The following FGF14 variants were observed in gnomAD, a reference collection of about 807,000 sequenced individuals.
FGF14 encodes the protein fibroblast growth factor homologous factor 4.
Under a neutral mutation model 25.5 loss-of-function variants are expected in FGF14, and 5 were observed. The ratio of observed to expected loss-of-function variants is 0.20; its 90% CI spans 0.10 to 0.41. The LOEUF (loss-of-function observed/expected upper bound fraction) is 0.41, where lower values mean the gene tolerates loss of function less well. Ranked by LOEUF, FGF14 falls within the 10% of genes least tolerant of loss-of-function variation. The pLI is 1.00. For synonymous variants in FGF14, 138 were observed against 118.3 expected (o/e 1.17, Z -1.08); for missense variants, 222 against 320.1 (o/e 0.69, Z 2.34).
rs2036260535 is a variant in FGF14 at position 101,737,419 on chromosome 13, G to T, written c.409-10609C>A. On this transcript the variant is annotated intron_variant, in intron 3 of 4. Coordinates refer to ENST00000376143, the MANE Select transcript of FGF14 (RefSeq NM_004115.4). ...ACAGAATTTTTGTTAGCCAGAACAA[G>T]AATAGAATTTGCTGTGCAAAAAAAT... 3.1e-5 allele frequency among the ~76,000 whole-genome samples: 3 copies of T among 96,262 alleles called. No individual in the cohort carries two copies. In the South Asian group the frequency reaches 1.4e-3, roughly 45 times the overall value. 63.2% of individuals were successfully genotyped at this position (96,262 alleles called of 152,430 possible). A position where few individuals can be genotyped will look rare whatever the true frequency, so the allele number is the denominator to read the frequency against.
chr13:102,107,017 GA>G (rs2044956495), intron 1 of FGF14, among the ~76,000 whole-genome samples: 1 of 152,176 alleles, frequency 6.6e-6, no homozygotes, highest in African/African-American at 2.4e-5. Flanking sequence ...GACTGTTTCA[GA>G]ATGTGAACAA....
At chr13:102,023,639 T>C (rs1336211695) in intron 1 of FGF14, among the ~76,000 whole-genome samples, 1 of 152,100 alleles carries the variant, frequency 6.6e-6, no homozygotes, top group Admixed American at 6.6e-5. Flanking sequence ...CTAATCTATG[T>C]TCTTTCTCTA....
intron 1 of FGF14, among the ~76,000 whole-genome samples, chr13:102,271,992 TCTC>T (rs2053269582): frequency 6.6e-6 from 1 of 152,142 alleles, no homozygotes; most frequent in Non-Finnish European, 1.5e-5. Context: ...GTGATCTGTC[TCTC>T]CTCTGCAATG....
intron 1 of FGF14, among the ~76,000 whole-genome samples, chr13:102,219,972 G>A (rs1405821720): frequency 2.0e-5 from 3 of 152,096 alleles, no homozygotes; most frequent in African/African-American, 7.2e-5. Flanking sequence ...TGTAAGTGAT[G>A]TAATAGTAAG....
At chr13:102,304,260 G>A (rs2055243966) in intron 1 of FGF14, among the ~76,000 whole-genome samples, 1 of 152,036 alleles carries the variant, frequency 6.6e-6, no homozygotes, top group South Asian at 2.1e-4. Context: ...AAAGGAAGCA[G>A]CTACCCTGAG....
chr13:101,844,928 C>A (rs570247373), intron 3 of FGF14, among the ~76,000 whole-genome samples: 1 of 151,938 alleles, frequency 6.6e-6, no homozygotes, highest in Non-Finnish European at 1.5e-5. Context: ...TTTACAGGGA[C>A]GGGTTTAAGT....
At chr13:102,393,095 T>C (rs755260711) in intron 1 of FGF14, among the ~76,000 whole-genome samples, 13 of 152,226 alleles carry the variant, frequency 8.5e-5, no homozygotes, top group Non-Finnish European at 1.8e-4. Flanking sequence ...CTTGACAGCC[T>C]AACCAGTGCC....
chr13:101,908,178 T>C (rs542119896), intron 1 of FGF14, among the ~76,000 whole-genome samples: 3 of 152,264 alleles, frequency 2.0e-5, no homozygotes, highest in Non-Finnish European at 4.4e-5. Context: ...CCTGAGGTTA[T>C]TGACTGTGAA....
intron 1 of FGF14, among the ~76,000 whole-genome samples, chr13:102,378,293 G>A (rs1270269377): frequency 1.3e-5 from 2 of 152,054 alleles, no homozygotes; most frequent in South Asian, 2.1e-4. Context: ...ATGGATCTGT[G>A]GGGGCAAAGG....
At chr13:101,878,233 C>T (rs1383474082) in intron 1 of FGF14, among the ~76,000 whole-genome samples, 3 of 152,156 alleles carry the variant, frequency 2.0e-5, no homozygotes, top group African/African-American at 7.2e-5. Context: ...TCAAATATGG[C>T]CACCTGCATT....
intron 1 of FGF14, among the ~76,000 whole-genome samples, chr13:102,328,264 T>C (rs1892236537): frequency 6.6e-6 from 1 of 152,250 alleles, no homozygotes; most frequent in African/African-American, 2.4e-5. Context: ...ATCGCTTATT[T>C]ATCAAAAATT....
At chr13:102,139,805 G>A (rs1402506095) in intron 1 of FGF14, among the ~76,000 whole-genome samples, 1 of 152,142 alleles carries the variant, frequency 6.6e-6, no homozygotes, top group East Asian at 1.9e-4. Flanking sequence ...GCTGCAGGCT[G>A]GAGAGCTATG....
At chr13:102,040,604 T>C (rs1016723011) in intron 1 of FGF14, among the ~76,000 whole-genome samples, 9 of 152,200 alleles carry the variant, frequency 5.9e-5, no homozygotes, top group African/African-American at 2.2e-4. Context: ...GTAGGATATA[T>C]TGGACATGGC....
intron 3 of FGF14, among the ~76,000 whole-genome samples, chr13:101,786,065 C>G (rs2140056709): frequency 6.6e-6 from 1 of 152,322 alleles, no homozygotes; most frequent in East Asian, 1.9e-4. Flanking sequence ...GTCACCCTTT[C>G]TCTATAACCA....
intron 1 of FGF14, among the ~76,000 whole-genome samples, chr13:102,006,549 C>G (rs1323798630): frequency 1.3e-5 from 2 of 152,040 alleles, no homozygotes; most frequent in African/African-American, 2.4e-5. Flanking sequence ...GTAGAAACTC[C>G]TGACCTTTTT....
intron 1 of FGF14, among the ~76,000 whole-genome samples, chr13:102,142,724 C>G (rs2046693380): frequency 6.6e-6 from 1 of 152,146 alleles, no homozygotes; most frequent in African/African-American, 2.4e-5. Flanking sequence ...CCATACCTTT[C>G]ACACCTTGAT....
intron 1 of FGF14, among the ~76,000 whole-genome samples, chr13:102,387,224 T>C (rs753219710): frequency 2.0e-5 from 3 of 152,254 alleles, no homozygotes; most frequent in Non-Finnish European, 4.4e-5. Flanking sequence ...AATATCACTT[T>C]ATAAATTTTG....
intron 3 of FGF14, among the ~76,000 whole-genome samples, chr13:101,789,252 C>T (rs1594255155): frequency 6.6e-6 from 1 of 152,134 alleles, no homozygotes; most frequent in Non-Finnish European, 1.5e-5. Flanking sequence ...TTCCATGCTT[C>T]CCACCACTTA....
chr13:101,917,887 G>C (rs2033692848), upstream of FGF14, among the ~76,000 whole-genome samples: 2 of 152,122 alleles, frequency 1.3e-5, no homozygotes, highest in South Asian at 4.1e-4. Flanking sequence ...CAGCTGGGTA[G>C]GATAAACGCC....
Sources: allele counts gnomAD v4.1 joint callset (sites outside exome capture counted in the v4.1 genomes callset), GRCh38; gene constraint gnomAD v4.1.1; transcripts MANE v1.5; gene names NCBI Gene and HGNC (gene_info 2026-07-23, HGNC 2026-07-21).